The following APC variants were observed in gnomAD, a reference collection of about 807,000 sequenced individuals.
APC encodes adenomatous polyposis coli protein.
APC carries 72 observed loss-of-function variants against 247.0 expected under a neutral mutation model. That is an observed-to-expected ratio of 0.29 (90% confidence interval 0.24 to 0.35). The LOEUF (loss-of-function observed/expected upper bound fraction) is 0.35, where lower values mean the gene tolerates loss of function less well. Among genes scored for constraint, APC ranks in the 10% least tolerant of loss-of-function variants. APC has a pLI of 1.00. For missense variants in APC, 3,400 were observed against 3,360.7 expected (o/e 1.01, Z -0.29); for synonymous variants, 1,254 against 1,162.5 (o/e 1.08, Z -1.60).
chr5:112,787,841 A>G (rs532808720), intron 6 of APC, among the ~76,000 whole-genome samples: 6 of 152,262 alleles, frequency 3.9e-5, no homozygotes, highest in African/African-American at 1.4e-4. Context: ...CGTAAAGGTA[A>G]TCTTCTATTA....
chr5:112,737,431 C>G (rs1752466156), upstream of APC, among the ~76,000 whole-genome samples: 1 of 152,224 alleles, frequency 6.6e-6, no homozygotes, highest in South Asian at 2.1e-4. Flanking sequence ...AGTCATCACT[C>G]TGACAACTCA....
At chr5:112,792,021 G>A (rs998021021) in intron 6 of APC, among the ~76,000 whole-genome samples, 1 of 152,084 alleles carries the variant, frequency 6.6e-6, no homozygotes, top group African/African-American at 2.4e-5. Context: ...GCCGAGGCAG[G>A]CGGATCACAA....
At chr5:112,718,271 A>G (rs937594734) in intron 1 of APC, among the ~76,000 whole-genome samples, 2 of 152,156 alleles carry the variant, frequency 1.3e-5, no homozygotes, top group Non-Finnish European at 2.9e-5. Flanking sequence ...ATTGATGTAT[A>G]TAATGTAAGA....
At chr5:112,810,478 A>G (rs1050118420) in intron 8 of APC, among the ~76,000 whole-genome samples, 19 of 152,216 alleles carry the variant, frequency 1.2e-4, no homozygotes, top group African/African-American at 4.3e-4. Context: ...GAGAGCTGAC[A>G]AGGGAAACAA....
At chr5:112,787,087 T>C (rs1330161368) in intron 6 of APC, among the ~76,000 whole-genome samples, 1 of 151,946 alleles carries the variant, frequency 6.6e-6, no homozygotes, top group Non-Finnish European at 1.5e-5. Flanking sequence ...GGGGTTTCAC[T>C]ATGTTGCCCA....
At chr5:112,713,170 C>CCA (rs1554060842) in intron 1 of APC, among the ~76,000 whole-genome samples, 19 of 107,890 alleles carry the variant, frequency 1.8e-4, no homozygotes, top group Middle Eastern at 4.1e-3. Flanking sequence ...GACTCCATAG[C>CCA]AAAAAAAAAA....
At chr5:112,727,838 G>A (rs563568810) in intron 1 of APC, among the ~76,000 whole-genome samples, 3 of 150,868 alleles carry the variant, frequency 2.0e-5, no homozygotes, top group South Asian at 2.1e-4. Context: ...TTTTGGGGGC[G>A]GTCTTATAGC....
chr5:112,818,858 G>GTT, intron 9 of APC, 108 bp from the exon 10 acceptor site: 8 of 995,208 alleles, frequency 8.0e-6, no homozygotes, highest in East Asian at 3.0e-5. Flanking sequence ...GGGGGGGGTT[G>GTT]TTTTGTTTTT....
chr5:112,843,453 T>A lies in APC; in HGVS notation c.7859T>A (p.Phe2620Tyr), dbSNP rs1554088702. 2 of 1,613,704 alleles carry A rather than the reference T, an allele frequency of 1.2e-6. No homozygotes were observed. Among genetic ancestry groups the A allele is most frequent in the Non-Finnish European group, 1.7e-6 (2 of 1,179,786 alleles). The change falls in exon 16 of 16, where the codon TTT (phenylalanine) becomes TAT (tyrosine). Residue 2620 changes from phenylalanine to tyrosine, a missense_variant. Physicochemically the swap from Phe to Tyr is conservative, Grantham distance 22 (BLOSUM62 3). Around this residue, in one of 9 missense-constraint regions of APC, gnomAD observed 1,788 missense variants for 1,649.5 expected, o/e 1.08. Coordinates refer to ENST00000257430, the MANE Select transcript of APC (RefSeq NM_000038.6). This position sits in a 1 kb window ranked among gnomAD's most constrained non-coding sequence, Gnocchi z 4.8. ...TGGAGAAAAATAAAAGAAAATGAAT[T>A]TTCTCCCACAAATAGTACTTCTCAG... ...GTWRKIKENE[F>Y]SPTNSTSQTV...
intron 9 of APC, among the ~76,000 whole-genome samples, chr5:112,818,390 T>C (rs907162975): frequency 2.2e-4 from 33 of 152,230 alleles, no homozygotes; most frequent in African/African-American, 7.7e-4. Context: ...TCACTCTGTA[T>C]GATCATGGCA....
intron 14 of APC, among the ~76,000 whole-genome samples, chr5:112,830,642 G>A (rs1260437463): frequency 6.6e-6 from 1 of 152,216 alleles, no homozygotes; most frequent in Non-Finnish European, 1.5e-5. Flanking sequence ...AAATAACTAT[G>A]TCTGTCAGCA....
intron 2 of APC, among the ~76,000 whole-genome samples, chr5:112,757,668 G>A (rs1182003414): frequency 6.6e-6 from 1 of 152,124 alleles, no homozygotes; most frequent in Admixed American, 6.5e-5. Flanking sequence ...GGGCAAAAGA[G>A]CCAGACCTGG....
At position 112,843,053 on chromosome 5, in the gene APC, T is replaced by C. The variant is rs1060503300; in HGVS notation, c.7459T>C (p.Ser2487Pro). The C allele has an allele frequency of 3.1e-6, 5 of 1,613,894 alleles. No individual in the cohort carries two copies. The highest frequency in any genetic ancestry group is 4.2e-6 in the Non-Finnish European group (5 of 1,179,804). Residue 2487 changes from serine to proline, a missense_variant, in exon 16 of 16, where the codon TCC becomes CCC. Ser to Pro is a moderately conservative substitution (Grantham distance 74, BLOSUM62 -1). This residue lies in a region of APC where 1,788 missense variants were observed against 1,649.5 expected (regional missense o/e 1.08). Transcript: ENST00000257430. This position sits in a 1 kb window ranked among gnomAD's most constrained non-coding sequence, Gnocchi z 4.8. ...SQAQTPVLSP[S>P]LPDMSLSTHS... ...GGCACAAACTCCAGTTTTAAGTCCT[T>C]CCCTTCCTGATATGTCTCTATCCAC...
rs1754434809 is a variant in APC at position 112,752,005 on chromosome 5, T to A, written c.-18-2868T>A. Reference sequence around the variant, plus strand: ...ATGATTTTTTCCCATATCTATTATGTTAAATGATATAATTAATTTTCTAAT... The same window carrying A: ...ATGATTTTTTCCCATATCTATTATGATAAATGATATAATTAATTTTCTAAT... On this transcript the variant is annotated intron_variant, in intron 1 of 15. Transcript: ENST00000257430. 2.0e-5 allele frequency among the ~76,000 whole-genome samples: 3 copies of A among 152,106 alleles called. No individual in the cohort carries two copies. The South Asian group carries it at 6.2e-4, about 31-fold the overall frequency.
In APC at chr5:112,839,668, G is replaced by T. The variant is rs149782464; in HGVS notation, c.4074G>T (p.Ala1358=). The T allele has an allele frequency of 5.0e-6, 8 of 1,614,022 alleles. No homozygotes were observed. Among genetic ancestry groups the T allele is most frequent in the Non-Finnish European group, 6.8e-6 (8 of 1,180,012 alleles). ...AAGCTGTTGAATTTTCTTCAGGAGC[G>T]AAATCTCCCTCCAAAAGTGGTGCTC... The part of the protein sequence containing the change: ...RHKAVEFSSG[A]KSPSKSGAQT... Residue 1358 remains alanine (A), a synonymous_variant, in exon 16 of 16, where the codon GCG becomes GCT. Coordinates refer to ENST00000257430, the MANE Select transcript of APC (RefSeq NM_000038.6). This position sits in a 1 kb window ranked among gnomAD's most constrained non-coding sequence, Gnocchi z 5.0.
At chr5:112,800,587 G>A (rs916105156) in intron 7 of APC, among the ~76,000 whole-genome samples, 2 of 151,928 alleles carry the variant, frequency 1.3e-5, no homozygotes, top group Admixed American at 1.3e-4. Flanking sequence ...AAGCATATAG[G>A]TGTTTCTATA....
At chr5:112,790,564 A>C in intron 6 of APC, among the ~76,000 whole-genome samples, 1 of 152,042 alleles carries the variant, frequency 6.6e-6, no homozygotes, top group Non-Finnish European at 1.5e-5. Flanking sequence ...CTTCTGACCT[A>C]GTGATCCATC....
chr5:112,730,765 C>T (rs1333102136), intron 1 of APC, among the ~76,000 whole-genome samples: 1 of 152,024 alleles, frequency 6.6e-6, no homozygotes, highest in Non-Finnish European at 1.5e-5. Context: ...TGCCTTTGGC[C>T]ACAGGTTAAG....
chr5:112,817,129 C>G (rs1034727063), intron 9 of APC, among the ~76,000 whole-genome samples: 1 of 152,076 alleles, frequency 6.6e-6, no homozygotes, highest in African/African-American at 2.4e-5. Context: ...CTCTGCCTCC[C>G]AAAGTGCTGG....
Sources: gnomAD v4.1 joint callset for allele counts (sites outside exome capture counted in the v4.1 genomes callset) on GRCh38, gnomAD v4.1.1 for gene constraint, gnomAD v4.1.1 regional missense constraint, Gnocchi (gnomAD v3.1) non-coding constraint, MANE v1.5 for transcripts, NCBI Gene and HGNC (gene_info 2026-07-23, HGNC 2026-07-21) for gene names.